Variants in CDC25C observed in about 807,000 individuals in gnomAD.
CDC25C encodes the protein M-phase inducer phosphatase 3.
A neutral mutation model predicts 52.5 loss-of-function variants in CDC25C; 48 were observed. The ratio of observed to expected loss-of-function variants is 0.91; its 90% CI spans 0.72 to 1.16. The LOEUF is 1.16. CDC25C is among the 50% of genes most tolerant of loss of function. The pLI, the probability that CDC25C is intolerant of heterozygous loss-of-function variation, is 0.00. For missense variants in CDC25C, 510 were observed against 566.1 expected, an observed-to-expected ratio of 0.90 and a Z score of 1.01; for synonymous variants, 187 against 206.5, an observed-to-expected ratio of 0.91 and a Z score of 0.81.
chr5:138,320,380 A>G (rs1759265654), intron 6 of CDC25C, among the ~76,000 whole-genome samples: 2 of 152,190 alleles, frequency 1.3e-5, no homozygotes, highest in Non-Finnish European at 2.9e-5. Flanking sequence ...TCATAACGGC[A>G]TTACTCACAA....
chr5:138,331,621 T>A lies in CDC25C; in HGVS notation c.-65A>T, dbSNP rs1026118760. On this transcript the variant is annotated 5_prime_UTR_variant, in exon 1 of 14. Coordinates refer to ENST00000323760, the MANE Select transcript of CDC25C (RefSeq NM_001790.5). ...TCAAGCCTGGAGTCTGAGGCTTGCC[T>A]ACAAGAGGAGAGAAAGTAGATAGGG... The A allele has an allele frequency of 2.0e-6, 2 of 1,009,840 alleles. No individual in the cohort carries two copies. The highest frequency in any genetic ancestry group is 3.4e-5 in the African/African-American group (2 of 57,978). 62.6% of individuals were successfully genotyped at this position (1,009,840 alleles called of 1,614,324 possible).
At position 138,296,415 on chromosome 5, in the gene CDC25C, T is replaced by A. The variant is rs191862104; in HGVS notation, c.616-4299A>T. ...CACCCCTGGCTAATTTTTGTATTTGTATTTTATTTTTTTGAGACAGAGTCT... is the reference window on the plus strand; with the variant it reads ...CACCCCTGGCTAATTTTTGTATTTGAATTTTATTTTTTTGAGACAGAGTCT... On this transcript the variant is annotated intron_variant, in intron 7 of 13. Coordinates refer to ENST00000323760, the MANE Select transcript of CDC25C (RefSeq NM_001790.5). 1.5e-3 allele frequency among the ~76,000 whole-genome samples: 231 copies of A among 151,640 alleles called. 2 individuals carry two copies. Among genetic ancestry groups the A allele is most frequent in the Non-Finnish European group, 2.4e-3 (164 of 67,896 alleles).
chr5:138,317,516 C>T (rs1199419621), intron 7 of CDC25C, among the ~76,000 whole-genome samples: 2 of 151,392 alleles, frequency 1.3e-5, no homozygotes, highest in Non-Finnish European at 2.9e-5. Flanking sequence ...CACATCGCTA[C>T]AAAAAATACA....
chr5:138,332,002 G>C (rs777036460), upstream of CDC25C: 2 of 736,688 alleles, frequency 2.7e-6, no homozygotes, highest in Non-Finnish European at 3.3e-6. Context: ...GCCAGAGCAG[G>C]ATAGTGTTTG....
chr5:138,331,281 C>T (rs927490649), intron 1 of CDC25C, 63 bp from the exon 2 acceptor site: 1 of 1,110,846 alleles, frequency 9.0e-7, no homozygotes, highest in Non-Finnish European at 1.3e-6. Context: ...TAAACTCCTC[C>T]ACCCTTTCCA....
chr5:138,330,570 C>T (rs1385783071), intron 2 of CDC25C, among the ~76,000 whole-genome samples: 4 of 152,126 alleles, frequency 2.6e-5, no homozygotes. Context: ...TGCAGTGAGG[C>T]GATCTTGGCT....
At chr5:138,305,905 C>A (rs1455723901) in intron 7 of CDC25C, among the ~76,000 whole-genome samples, 2 of 152,142 alleles carry the variant, frequency 1.3e-5, no homozygotes, top group Non-Finnish European at 2.9e-5. Context: ...GCTCAAAAAG[C>A]AAAGGGTTGG....
At chr5:138,327,274 T>C (rs1182192105) in intron 4 of CDC25C, among the ~76,000 whole-genome samples, 1 of 149,100 alleles carries the variant, frequency 6.7e-6, no homozygotes, top group Non-Finnish European at 1.5e-5. Context: ...AAAAATTAAT[T>C]TCTATCCTCC....
In CDC25C at chr5:138,325,864, C is replaced by T. The variant is rs1436210839; in HGVS notation, c.410G>A (p.Gly137Asp). ...ACACATTGCATCTCTCTTTCTATGG[C>T]CACGGTCCAAACCATTCGGAGTGCT... ...LCSTPNGLDR[G>D]HRKRDAMCSS... Residue 137 changes from glycine to aspartate, a missense_variant, in exon 6 of 14, where the codon GGC becomes GAC. Gly to Asp is a moderately conservative substitution (Grantham distance 94). Coordinates refer to ENST00000323760, the MANE Select transcript of CDC25C (RefSeq NM_001790.5). The T allele has an allele frequency of 6.2e-7, 1 of 1,614,108 alleles. No individual in the cohort carries two copies. Among genetic ancestry groups the T allele is most frequent in the Admixed American group, 1.7e-5 (1 of 60,024 alleles).
At chr5:138,310,419 C>T (rs547484063) in intron 7 of CDC25C, among the ~76,000 whole-genome samples, 37 of 152,310 alleles carry the variant, frequency 2.4e-4, no homozygotes, top group South Asian at 6.2e-4. Flanking sequence ...ACTCTCGCCT[C>T]GCACTCTCCT....
intron 7 of CDC25C, among the ~76,000 whole-genome samples, chr5:138,313,948 A>G (rs1758646213): frequency 7.2e-6 from 1 of 138,374 alleles, no homozygotes; most frequent in Non-Finnish European, 1.6e-5. Context: ...TATCCTCCCA[A>G]ACACCTATGT....
chr5:138,291,342 T>G (rs1186849220), intron 8 of CDC25C, among the ~76,000 whole-genome samples: 1 of 152,008 alleles, frequency 6.6e-6, no homozygotes, highest in Non-Finnish European at 1.5e-5. Flanking sequence ...CAGTAAAATA[T>G]CCATACCAAA....
At chr5:138,323,487 T>TA (rs1387501926) in intron 6 of CDC25C, among the ~76,000 whole-genome samples, 1 of 150,438 alleles carries the variant, frequency 6.6e-6, no homozygotes, top group Non-Finnish European at 1.5e-5. Flanking sequence ...GGTTGGGGGG[T>TA]GGGGTAGAGA....
intron 9 of CDC25C, among the ~76,000 whole-genome samples, chr5:138,289,795 T>A (rs559483387): frequency 5.3e-5 from 8 of 152,112 alleles, no homozygotes; most frequent in African/African-American, 1.7e-4. Flanking sequence ...TATATTCATC[T>A]TGGTATCATT....
At position 138,331,030 on chromosome 5, in the gene CDC25C, C is replaced by T. The variant is rs1032183525; in HGVS notation, c.151G>A (p.Gly51Ser). 1 of 1,614,072 alleles carries T rather than the reference C, an allele frequency of 6.2e-7. No individual in the cohort carries two copies. The highest frequency in any genetic ancestry group is 8.5e-7 in the Non-Finnish European group (1 of 1,179,974). Residue 51 changes from glycine to serine, a missense_variant, in exon 2 of 14, where the codon GGC (glycine) becomes AGC (serine). Physicochemically the swap from Gly to Ser is moderately conservative, Grantham distance 56. Transcript: ENST00000323760. ...VCPDVPRTPV[G>S]KFLGDSANLS... ...TTTGCAGAATCACCAAGAAATTTGC[C>T]CACTGGAGTTCTAGGGACATCTGGA...
rs1554113812 is a variant in CDC25C, at chr5:138,292,115, A to G, written c.617T>C (p.Val206Ala). The part of the protein sequence containing the change: ...EFSLKDQEAK[V>A]SRSGLYRSPS... ...GGAGCGATATAGGCCACTTCTGCTCACCTGTTTGGGAATATTAAACCCCCT... is the reference window on the plus strand; with the variant it reads ...GGAGCGATATAGGCCACTTCTGCTCGCCTGTTTGGGAATATTAAACCCCCT... The change falls in exon 8 of 14, where the codon GTG becomes GCG. Residue 206 changes from valine (V) to alanine (A), a missense_variant and splice_region_variant. Val to Ala is a moderately conservative substitution (Grantham distance 64, BLOSUM62 0). Transcript: ENST00000323760. The G allele has an allele frequency of 1.2e-6, 2 of 1,609,850 alleles. No individual in the cohort carries two copies. The highest frequency in any genetic ancestry group is 3.4e-5 in the Admixed American group (2 of 59,500).
Position 138,285,558 on chromosome 5 carries a change from C to G in CDC25C, c.*134G>C, listed in dbSNP as rs543395767. ...CCTAATCCATTCCCAGGCCTGGATA[C>G]AAGTTGGTAGCCTGTTGGTTTGCAG... On this transcript the variant is annotated 3_prime_UTR_variant, in exon 14 of 14. Transcript: ENST00000323760. The G allele has an allele frequency of 1.2e-6, 1 of 813,356 alleles. No individual in the cohort carries two copies. The highest frequency in any genetic ancestry group is 1.6e-5 in the South Asian group (1 of 61,336). 50.4% of individuals were successfully genotyped at this position (813,356 alleles called of 1,614,324 possible). A position where few individuals can be genotyped will look rare whatever the true frequency, so the allele number is the denominator to read the frequency against.
At chr5:138,296,654 G>A (rs564742912) in intron 7 of CDC25C, among the ~76,000 whole-genome samples, 3 of 148,800 alleles carry the variant, frequency 2.0e-5, no homozygotes, top group East Asian at 3.9e-4. Context: ...CACCCAGGCC[G>A]GAATGCAGTG....
At chr5:138,285,871 C>T in intron 13 of CDC25C, 30 bp from the exon 14 acceptor site, 1 of 1,611,744 alleles carries the variant, frequency 6.2e-7, no homozygotes, top group Non-Finnish European at 8.5e-7. Flanking sequence ...GTAAGGGATT[C>T]TCTAGACTCC....
Sources: allele counts gnomAD v4.1 joint callset (sites outside exome capture counted in the v4.1 genomes callset), GRCh38; gene constraint gnomAD v4.1.1; transcripts MANE v1.5; gene names NCBI Gene and HGNC (gene_info 2026-07-23, HGNC 2026-07-21).